AUTS2: variants seen among roughly 807,000 people sequenced by gnomAD.
The protein encoded by AUTS2 is autism susceptibility gene 2 protein.
Under a neutral mutation model 112.4 loss-of-function variants are expected in AUTS2, and 17 were observed. The observed-to-expected ratio is 0.15, with a 90% CI of 0.10 to 0.23. AUTS2 has a LOEUF of 0.23. Ranked by LOEUF, AUTS2 falls within the 10% of genes least tolerant of loss-of-function variation. The pLI is 1.00. For missense variants in AUTS2, 1,510 were observed against 1,701.6 expected, an observed-to-expected ratio of 0.89 and a Z score of 1.98; for synonymous variants, 751 against 702.7, an observed-to-expected ratio of 1.07 and a Z score of -1.09.
intron 5 of AUTS2, among the ~76,000 whole-genome samples, chr7:70,541,076 T>A (rs1238048789): frequency 6.6e-6 from 1 of 152,086 alleles, no homozygotes; most frequent in African/African-American, 2.4e-5. Context: ...CTAAATCCAG[T>A]CCCCTTTCTA....
chr7:69,673,959 T>G lies in AUTS2; in HGVS notation c.309+73997T>G, dbSNP rs536211775. On this transcript the variant is annotated intron_variant, in intron 1 of 18. Coordinates refer to ENST00000342771, the MANE Select transcript of AUTS2 (RefSeq NM_015570.4). ...CTTTAACTTCCTAAGTGAGTTTATATATTTTTCTAAATATGTAATCTTTTA... is the reference window on the plus strand; with the variant it reads ...CTTTAACTTCCTAAGTGAGTTTATAGATTTTTCTAAATATGTAATCTTTTA... Among the ~76,000 whole-genome samples the G allele has an allele frequency of 1.6e-4, 25 of 152,394 alleles. 1 individual carries two copies. In the East Asian group the frequency reaches 4.8e-3, roughly 29 times the overall value.
At chr7:69,959,108 G>T (rs887689767) in intron 2 of AUTS2, among the ~76,000 whole-genome samples, 1 of 152,190 alleles carries the variant, frequency 6.6e-6, no homozygotes, top group African/African-American at 2.4e-5. Context: ...TTAAGGCAGT[G>T]TGGAAGAACA....
At chr7:70,599,803 TGTGGTG>T (rs1803381273) in intron 5 of AUTS2, among the ~76,000 whole-genome samples, 1 of 152,206 alleles carries the variant, frequency 6.6e-6, no homozygotes. Flanking sequence ...CTAAGTTGTC[TGTGGTG>T]GGCAGGGATG....
At chr7:69,863,268 T>C (rs568823479) in intron 1 of AUTS2, among the ~76,000 whole-genome samples, 59 of 152,340 alleles carry the variant, frequency 3.9e-4, no homozygotes, top group Middle Eastern at 6.8e-3. Flanking sequence ...CTAAACAATA[T>C]AGTATAACAA....
chr7:69,892,851 A>T (rs1794586407), intron 1 of AUTS2, among the ~76,000 whole-genome samples: 1 of 152,190 alleles, frequency 6.6e-6, no homozygotes, highest in African/African-American at 2.4e-5. Context: ...TAAAAAACTT[A>T]TTTCTCTGTA....
rs368398525 is a variant in AUTS2, at chr7:70,271,089, C to T, written c.660+136518C>T. On this transcript the variant is annotated intron_variant, in intron 4 of 18. Transcript: ENST00000342771. Reference sequence around the variant, plus strand: ...GGCTTCTCCTGACAAGTGTTGCGAGCATCTGATGTCCTTGGCCTCTCTTCT... The same window carrying T: ...GGCTTCTCCTGACAAGTGTTGCGAGTATCTGATGTCCTTGGCCTCTCTTCT... Among the ~76,000 whole-genome samples, 4 of 152,068 alleles carry T rather than the reference C, an allele frequency of 2.6e-5. No individual in the cohort carries two copies. The South Asian group carries it at 6.2e-4, about 24-fold the overall frequency.
At chr7:70,052,248 A>G (rs1375841611) in intron 2 of AUTS2, among the ~76,000 whole-genome samples, 3 of 152,140 alleles carry the variant, frequency 2.0e-5, no homozygotes, top group Non-Finnish European at 2.9e-5. Context: ...TAATCCATTC[A>G]TGATAGGGGG....
intron 5 of AUTS2, among the ~76,000 whole-genome samples, chr7:70,463,456 C>G (rs1201284822): frequency 6.6e-6 from 1 of 152,192 alleles, no homozygotes. Flanking sequence ...AAGAAGTGGA[C>G]TTTGTCCAGC....
At chr7:70,033,946 C>T (rs1800891094) in intron 2 of AUTS2, among the ~76,000 whole-genome samples, 1 of 151,986 alleles carries the variant, frequency 6.6e-6, no homozygotes. Flanking sequence ...TTTTTAAAAG[C>T]TAGAAGAGAG....
At chr7:69,911,498 T>C (rs1259262147) in intron 2 of AUTS2, among the ~76,000 whole-genome samples, 1 of 152,206 alleles carries the variant, frequency 6.6e-6, no homozygotes, top group Non-Finnish European at 1.5e-5. Context: ...CTCGAGTTCA[T>C]GTCCCATGCC....
At chr7:70,102,115 C>CTTTTTTTTT (rs537710268) in intron 2 of AUTS2, among the ~76,000 whole-genome samples, 1 of 127,164 alleles carries the variant, frequency 7.9e-6, no homozygotes, top group Non-Finnish European at 1.7e-5. Context: ...GCAGTGTTTA[C>CTTTTTTTTT]TTTTTTTTTT....
At chr7:69,642,991 G>C (rs1262566284) in intron 1 of AUTS2, among the ~76,000 whole-genome samples, 1 of 152,132 alleles carries the variant, frequency 6.6e-6, no homozygotes, top group Non-Finnish European at 1.5e-5. Context: ...GTTGTCCTGG[G>C]CTGGGGTCTC....
At chr7:70,085,990 T>C (rs752722489) in intron 2 of AUTS2, among the ~76,000 whole-genome samples, 20 of 152,164 alleles carry the variant, frequency 1.3e-4, no homozygotes, top group Non-Finnish European at 1.8e-4. Context: ...ATATTTACTG[T>C]CTGAATCTTC....
rs138146339 is a variant in AUTS2 at position 70,215,063 on chromosome 7, T to C, written c.660+80492T>C. ...ACTTTGAGCAAGCAAGATGGACTGATCCCTTGAGGCCAGGAGTTCAAGACT... is the reference window on the plus strand; with the variant it reads ...ACTTTGAGCAAGCAAGATGGACTGACCCCTTGAGGCCAGGAGTTCAAGACT... On this transcript the variant is annotated intron_variant, in intron 4 of 18. Coordinates refer to ENST00000342771, the MANE Select transcript of AUTS2 (RefSeq NM_015570.4). Among the ~76,000 whole-genome samples the C allele has an allele frequency of 1.5e-3, 232 of 152,266 alleles. 1 individual carries two copies. Among genetic ancestry groups the C allele is most frequent in the African/African-American group, 4.7e-3 (195 of 41,548 alleles).
intron 4 of AUTS2, among the ~76,000 whole-genome samples, chr7:70,178,380 T>C (rs900095768): frequency 1.3e-5 from 2 of 152,214 alleles, no homozygotes; most frequent in African/African-American, 2.4e-5. Flanking sequence ...CCTTAGTCAT[T>C]ATTGACATCA....
chr7:69,604,666 A>G (rs1365071773), intron 1 of AUTS2, among the ~76,000 whole-genome samples: 2 of 152,242 alleles, frequency 1.3e-5, no homozygotes, highest in Non-Finnish European at 2.9e-5. Flanking sequence ...ACAAGATGCT[A>G]CATGGTTAGG....
intron 5 of AUTS2, among the ~76,000 whole-genome samples, chr7:70,637,572 A>C (rs1805593756): frequency 6.6e-6 from 1 of 152,222 alleles, no homozygotes; most frequent in African/African-American, 2.4e-5. Flanking sequence ...AGTCCAGGAA[A>C]CTGGAGGAAT....
intron 4 of AUTS2, among the ~76,000 whole-genome samples, chr7:70,243,876 C>T (rs1228863013): frequency 2.0e-5 from 3 of 151,986 alleles, no homozygotes; most frequent in African/African-American, 7.2e-5. Context: ...GGCCTGCCCT[C>T]TCATTTTTAC....
intron 6 of AUTS2, among the ~76,000 whole-genome samples, chr7:70,707,934 G>C (rs1460537122): frequency 6.6e-6 from 1 of 152,164 alleles, no homozygotes; most frequent in Non-Finnish European, 1.5e-5. Context: ...ATGGCGTTCT[G>C]TGGGCTCCGA....
Sources: gnomAD v4.1 joint callset for allele counts (sites outside exome capture counted in the v4.1 genomes callset) on GRCh38, gnomAD v4.1.1 for gene constraint, MANE v1.5 for transcripts, NCBI Gene and HGNC (gene_info 2026-07-23, HGNC 2026-07-21) for gene names.